TXNDC16: variants seen among roughly 807,000 people sequenced by gnomAD.
The protein encoded by TXNDC16 is thioredoxin domain-containing protein 16.
In TXNDC16, 74 loss-of-function variants were observed where a neutral mutation model predicts 85.6. The ratio of observed to expected loss-of-function variants is 0.86; its 90% CI spans 0.72 to 1.05. The LOEUF (loss-of-function observed/expected upper bound fraction) is 1.05, where lower values mean the gene tolerates loss of function less well. Among genes scored for constraint, TXNDC16 ranks in the 50% least tolerant of loss-of-function variants. The probability of loss-of-function intolerance (pLI) is 0.00; values close to 1 mark genes in which losing one functional copy is unlikely to be tolerated. For synonymous variants in TXNDC16, 335 were observed against 326.5 expected (o/e 1.03, Z -0.28); for missense variants, 959 against 947.0 (o/e 1.01, Z -0.17).
chr14:52,460,722 G>A (rs1264341543), intron 16 of TXNDC16, among the ~76,000 whole-genome samples: 1 of 147,882 alleles, frequency 6.8e-6, no homozygotes, highest in East Asian at 2.0e-4. Flanking sequence ...AAAAAGCAAA[G>A]ACCTTTATTT....
chr14:52,432,831 AG>A (rs1034907588), intron 20 of TXNDC16, among the ~76,000 whole-genome samples: 1 of 152,210 alleles, frequency 6.6e-6, no homozygotes, highest in African/African-American at 2.4e-5. Context: ...CTTTAAAAAA[AG>A]TATGAATAGG....
At chr14:52,439,183 T>A (rs1000765653) in intron 20 of TXNDC16, 21 bp downstream of exon 20, 5 of 1,608,202 alleles carry the variant, frequency 3.1e-6, no homozygotes, top group Non-Finnish European at 4.3e-6. Flanking sequence ...CTACATGTAT[T>A]AAACAAAACA....
chr14:52,441,886 G>A (rs2035173855), intron 18 of TXNDC16, among the ~76,000 whole-genome samples: 1 of 152,082 alleles, frequency 6.6e-6, no homozygotes, highest in Non-Finnish European at 1.5e-5. Flanking sequence ...AGTAATGACT[G>A]TCTATCCTCT....
At chr14:52,550,971 C>T (rs146079788) in intron 1 of TXNDC16, among the ~76,000 whole-genome samples, 2 of 152,258 alleles carry the variant, frequency 1.3e-5, no homozygotes, top group African/African-American at 4.8e-5. Context: ...AAATCCTTCT[C>T]CAAAGCATAG....
intron 20 of TXNDC16, among the ~76,000 whole-genome samples, chr14:52,438,739 G>A (rs1464503568): frequency 6.6e-6 from 1 of 152,026 alleles, no homozygotes; most frequent in Non-Finnish European, 1.5e-5. Flanking sequence ...TGCACTATTT[G>A]TAAAATATCC....
intron 9 of TXNDC16, among the ~76,000 whole-genome samples, chr14:52,506,367 T>C (rs916367762): frequency 5.3e-5 from 8 of 152,176 alleles, no homozygotes; most frequent in Admixed American, 3.3e-4. Context: ...ATCAAAAAGC[T>C]TATCCACCAT....
chr14:52,494,000 C>T (rs888687088), intron 9 of TXNDC16, among the ~76,000 whole-genome samples: 1 of 151,856 alleles, frequency 6.6e-6, no homozygotes, highest in Non-Finnish European at 1.5e-5. Flanking sequence ...AGGCTGGTCT[C>T]GAACTCCTGG....
chr14:52,475,371 G>A (rs1566547786), intron 14 of TXNDC16, among the ~76,000 whole-genome samples: 2 of 152,168 alleles, frequency 1.3e-5, no homozygotes, highest in Non-Finnish European at 2.9e-5. Context: ...ACAGGCTGGG[G>A]AAGAAAGAAA....
At chr14:52,437,476 C>G (rs2035055037) in intron 20 of TXNDC16, among the ~76,000 whole-genome samples, 1 of 152,012 alleles carries the variant, frequency 6.6e-6, no homozygotes, top group South Asian at 2.1e-4. Flanking sequence ...ATTATAGAAA[C>G]TCTCCAGGAT....
chr14:52,437,342 A>C (rs1349893538), intron 20 of TXNDC16, among the ~76,000 whole-genome samples: 1 of 152,208 alleles, frequency 6.6e-6, no homozygotes, highest in Non-Finnish European at 1.5e-5. Flanking sequence ...ACTAATCAAC[A>C]AATTTAGTAA....
At chr14:52,536,629 C>T in intron 6 of TXNDC16, 90 bp downstream of exon 6, 1 of 1,130,316 alleles carries the variant, frequency 8.8e-7, no homozygotes, top group African/African-American at 1.6e-5. Flanking sequence ...TGTTAAAACC[C>T]TGAAATATTT....
intron 18 of TXNDC16, among the ~76,000 whole-genome samples, chr14:52,453,669 AGAAGCTGG>A (rs1368923079): frequency 6.6e-6 from 1 of 152,232 alleles, no homozygotes; most frequent in Non-Finnish European, 1.5e-5. Flanking sequence ...GATGGTTACC[AGAAGCTGG>A]GAAGGGTAGT....
intron 4 of TXNDC16, among the ~76,000 whole-genome samples, chr14:52,538,045 C>T (rs1594764677): frequency 6.6e-6 from 1 of 152,302 alleles, no homozygotes; most frequent in East Asian, 1.9e-4. Context: ...TGGTTTCCCA[C>T]CCAAAATCCA....
chr14:52,536,896 G>T, intron 5 of TXNDC16, 103 bp from the exon 6 acceptor site: 1 of 964,648 alleles, frequency 1.0e-6, no homozygotes, highest in Non-Finnish European at 1.6e-6. Flanking sequence ...TAAGGTCTTT[G>T]ATGTTACAGC....
At chr14:52,444,075 A>C (rs781381) in intron 18 of TXNDC16, among the ~76,000 whole-genome samples, 15,949 of 152,146 alleles carry the variant, frequency 0.1, 1,002 homozygotes, top group East Asian at 0.19. Flanking sequence ...CTGAATTACA[A>C]AAGCCGGAAG....
In TXNDC16 at chr14:52,470,544, T is replaced by G; in HGVS notation, c.1449A>C (p.Leu483Phe). 6.2e-7 allele frequency: 1 copy of G among 1,613,512 alleles called. No individual in the cohort carries two copies. Among genetic ancestry groups the G allele is most frequent in the Non-Finnish European group, 8.5e-7 (1 of 1,179,794 alleles). Residue 483 changes from leucine to phenylalanine, a missense_variant, in exon 15 of 21, where the codon TTA becomes TTC. Transcript: ENST00000281741. The stretch of plus-strand genomic sequence containing the variant: ...TAAATTTTAGGAGATCTTCGGTTCC[T>G]AACATTCCAGCATAAGATACTGGGT... ...GENPVSYAGM[L>F]GTEDLLKFIQ...
intron 6 of TXNDC16, among the ~76,000 whole-genome samples, chr14:52,531,292 T>C (rs1342668940): frequency 6.6e-6 from 1 of 152,122 alleles, no homozygotes; most frequent in Non-Finnish European, 1.5e-5. Flanking sequence ...AATCTTACCA[T>C]ACAGTCCAGC....
At chr14:52,445,364 A>G (rs1329566590) in intron 18 of TXNDC16, among the ~76,000 whole-genome samples, 1 of 152,174 alleles carries the variant, frequency 6.6e-6, no homozygotes, top group Non-Finnish European at 1.5e-5. Flanking sequence ...ACACAAAAAG[A>G]CTTAATAAAG....
At chr14:52,450,697 T>C (rs764885800) in intron 18 of TXNDC16, among the ~76,000 whole-genome samples, 3 of 152,132 alleles carry the variant, frequency 2.0e-5, no homozygotes, top group East Asian at 3.9e-4. Flanking sequence ...TGGAAAACAG[T>C]TGGAGATTCC....
Sources: allele counts gnomAD v4.1 joint callset (sites outside exome capture counted in the v4.1 genomes callset), GRCh38; gene constraint gnomAD v4.1.1; transcripts MANE v1.5; gene names NCBI Gene and HGNC (gene_info 2026-07-23, HGNC 2026-07-21).